RELCH: variants seen among roughly 807,000 people sequenced by gnomAD.
RELCH encodes RAB11-binding protein RELCH.
A neutral mutation model predicts 150.3 loss-of-function variants in RELCH; 41 were observed. That is an observed-to-expected ratio of 0.27 (90% CI 0.21 to 0.35). RELCH has a LOEUF of 0.35. Ranked by LOEUF, RELCH falls within the 10% of genes least tolerant of loss-of-function variation. RELCH has a pLI of 1.00. For synonymous variants in RELCH, 478 were observed against 531.8 expected, an observed-to-expected ratio of 0.90 and a Z score of 1.39; for missense variants, 1,092 against 1,467.8, an observed-to-expected ratio of 0.74 and a Z score of 4.18.
At position 62,204,730 on chromosome 18, in the gene RELCH, G is replaced by A. The variant is rs1037172116; in HGVS notation, c.527-6423G>A. Among the ~76,000 whole-genome samples the A allele has an allele frequency of 1.4e-4, 22 of 152,106 alleles. 1 individual carries two copies. Among genetic ancestry groups the A allele is most frequent in the Non-Finnish European group, 5.9e-5 (4 of 68,006 alleles). On this transcript the variant is annotated intron_variant, in intron 1 of 28. Transcript: ENST00000644646. The stretch of plus-strand genomic sequence containing the variant: ...TTTTATATTTTCAGTTATTTAAAAG[G>A]TCTATTAGTAAAAAGCCTTATAAAG...
intron 25 of RELCH, among the ~76,000 whole-genome samples, 157 bp downstream of exon 25, chr18:62,282,601 T>C (rs550128910): frequency 2.4e-4 from 37 of 152,316 alleles, no homozygotes; most frequent in African/African-American, 8.4e-4. Context: ...TACTGAAAGC[T>C]AAACATGAAA....
At chr18:62,275,850 T>C (rs2044180712) in intron 22 of RELCH, among the ~76,000 whole-genome samples, 1 of 152,206 alleles carries the variant, frequency 6.6e-6, no homozygotes, top group African/African-American at 2.4e-5. Flanking sequence ...TAGTTGAATT[T>C]ATCAGTAGCA....
chr18:62,221,293 A>C lies in RELCH; in HGVS notation c.744+19A>C, dbSNP rs781031930. The C allele has an allele frequency of 6.3e-7, 1 of 1,592,802 alleles. No homozygotes were observed. The highest frequency in any genetic ancestry group is 1.7e-5 in the Admixed American group (1 of 59,746). On this transcript the variant is annotated intron_variant, in intron 4 of 28. Transcript: ENST00000644646. ...AATTCAGGTGGGTGACAGAAGACAA[A>C]TGTAAAATTAATCTTCCACATTAAA...
At position 62,307,484 on chromosome 18, in the gene RELCH, G is replaced by T. The variant is rs997511639; in HGVS notation, c.*1950G>T. ...TTTTTTTAAAGGCAATAGTAGGCAA[G>T]ATTCACAGTGTATTTCAAGTGAGAG... On this transcript the variant is annotated 3_prime_UTR_variant, in exon 29 of 29. Transcript: ENST00000644646. 3.3e-5 allele frequency: 5 copies of T among 152,064 alleles called. No homozygotes were observed. The highest frequency in any genetic ancestry group is 1.2e-4 in the African/African-American group (5 of 41,450). The allele number at this position is 152,064 out of a possible 1,614,324, so 9.4% of individuals were successfully genotyped here.
intron 10 of RELCH, among the ~76,000 whole-genome samples, chr18:62,243,595 T>C (rs1046400802): frequency 6.6e-6 from 1 of 152,120 alleles, no homozygotes; most frequent in African/African-American, 2.4e-5. Context: ...ATAAAGACTT[T>C]AGAAACAACG....
intron 22 of RELCH, among the ~76,000 whole-genome samples, chr18:62,278,830 A>G (rs1371951082): frequency 6.6e-6 from 1 of 152,192 alleles, no homozygotes; most frequent in Non-Finnish European, 1.5e-5. Context: ...ATAGAGATCT[A>G]GTTCTACTCA....
chr18:62,229,019 C>T (rs1349148129), intron 8 of RELCH, among the ~76,000 whole-genome samples: 1 of 151,862 alleles, frequency 6.6e-6, no homozygotes, highest in Non-Finnish European at 1.5e-5. Context: ...TGTCTGCTTC[C>T]ATTACAAATA....
rs915876732 is a variant in RELCH at position 62,255,459 on chromosome 18, C to T, written c.1877C>T (p.Ala626Val). 1.9e-6 allele frequency: 3 copies of T among 1,602,400 alleles called. No individual in the cohort carries two copies. Among genetic ancestry groups the T allele is most frequent in the Non-Finnish European group, 2.6e-6 (3 of 1,175,614 alleles). Residue 626 changes from alanine (A) to valine (V), a missense_variant, in exon 13 of 29, where the codon GCA becomes GTA. By Grantham distance (64) the Ala-to-Val change is moderately conservative. Around this residue, in one of 4 missense-constraint regions of RELCH, gnomAD observed 707 missense variants for 1,025.4 expected, o/e 0.69. Coordinates refer to ENST00000644646, the MANE Select transcript of RELCH (RefSeq NM_001346231.2). ...RRLLVAESCGALAPYLPKEIR... is the reference protein window; with the variant it reads ...RRLLVAESCGVLAPYLPKEIR... Reference sequence around the variant, plus strand: ...CTGCTTGTGGCAGAATCCTGTGGAGCACTGGCACCTTACCTTCCTGTAAGA... The same window carrying T: ...CTGCTTGTGGCAGAATCCTGTGGAGTACTGGCACCTTACCTTCCTGTAAGA...
intron 10 of RELCH, among the ~76,000 whole-genome samples, chr18:62,242,686 CAT>C (rs1249942802): frequency 4.6e-5 from 7 of 152,182 alleles, no homozygotes; most frequent in African/African-American, 1.7e-4. Flanking sequence ...TAATGTATGA[CAT>C]AAACTTCCTC....
chr18:62,304,971 A>C (rs2145182993), intron 28 of RELCH, among the ~76,000 whole-genome samples: 1 of 152,370 alleles, frequency 6.6e-6, no homozygotes, highest in South Asian at 2.1e-4. Context: ...GATAATATTT[A>C]TCTTCCAGGA....
At chr18:62,246,306 G>T (rs929293263) in intron 11 of RELCH, 1 of 152,092 alleles carries the variant, frequency 6.6e-6, no homozygotes, top group Non-Finnish European at 1.5e-5. Flanking sequence ...TTAGAAATAT[G>T]TGTATATATA....
At chr18:62,241,750 C>T (rs2042158732) in intron 10 of RELCH, among the ~76,000 whole-genome samples, 1 of 151,984 alleles carries the variant, frequency 6.6e-6, no homozygotes, top group Non-Finnish European at 1.5e-5. Context: ...AATATTGATT[C>T]AAGTCTATTA....
intron 2 of RELCH, among the ~76,000 whole-genome samples, chr18:62,219,500 TAAAAA>T (rs369704293): frequency 7.3e-6 from 1 of 137,222 alleles, no homozygotes; most frequent in Non-Finnish European, 1.6e-5. Context: ...TTTTAAAATG[TAAAAA>T]AAAAAAAAAA....
chr18:62,280,596 C>A, intron 23 of RELCH, 50 bp from the exon 24 acceptor site: 1 of 1,408,212 alleles, frequency 7.1e-7, no homozygotes, highest in Non-Finnish European at 1.0e-6. Context: ...TTTAATAATA[C>A]TCGTTGTTCA....
chr18:62,230,840 C>T (rs2041523178), intron 8 of RELCH, among the ~76,000 whole-genome samples: 1 of 152,008 alleles, frequency 6.6e-6, no homozygotes. Flanking sequence ...CTTTCTGGGA[C>T]CATAGAGAAT....
chr18:62,282,780 C>T (rs547706223), intron 25 of RELCH, among the ~76,000 whole-genome samples: 2 of 152,292 alleles, frequency 1.3e-5, no homozygotes, highest in East Asian at 3.9e-4. Flanking sequence ...GCCTCAGCCT[C>T]CCAAGTAGTT....
chr18:62,220,011 G>T (rs1344894750), intron 2 of RELCH, among the ~76,000 whole-genome samples: 1 of 151,986 alleles, frequency 6.6e-6, no homozygotes, highest in Non-Finnish European at 1.5e-5. Flanking sequence ...TTGTGGCAAA[G>T]ATCACTTAAT....
At chr18:62,231,900 G>T (rs550213217) in intron 9 of RELCH, among the ~76,000 whole-genome samples, 2 of 152,000 alleles carry the variant, frequency 1.3e-5, no homozygotes, top group East Asian at 3.9e-4. Context: ...TATAAGACTG[G>T]ATCACCTTCC....
chr18:62,243,160 T>C (rs1297031378), intron 10 of RELCH, among the ~76,000 whole-genome samples: 1 of 152,148 alleles, frequency 6.6e-6, no homozygotes, highest in Non-Finnish European at 1.5e-5. Context: ...AGTCGTCTCA[T>C]TAGTATCATT....
Sources: gnomAD v4.1 joint callset for allele counts (sites outside exome capture counted in the v4.1 genomes callset) on GRCh38, gnomAD v4.1.1 for gene constraint, gnomAD v4.1.1 regional missense constraint, MANE v1.5 for transcripts, NCBI Gene and HGNC (gene_info 2026-07-23, HGNC 2026-07-21) for gene names.